SETBP1: variants seen among roughly 807,000 people sequenced by gnomAD.
SETBP1 encodes the protein SET-binding protein.
SETBP1 carries 9 observed loss-of-function variants against 101.0 expected under a neutral mutation model. The ratio of observed to expected loss-of-function variants is 0.09; its 90% confidence interval spans 0.05 to 0.16. The LOEUF is 0.16. Ranked by LOEUF, SETBP1 falls within the 10% of genes least tolerant of loss-of-function variation. The probability of loss-of-function intolerance (pLI) is 1.00; values close to 1 mark genes in which losing one functional copy is unlikely to be tolerated. For synonymous variants in SETBP1, 818 were observed against 788.5 expected (o/e 1.04, Z -0.63); for missense variants, 1,858 against 2,033.8 (o/e 0.91, Z 1.66).
At chr18:44,793,826 A>C (rs62090585) in intron 2 of SETBP1, among the ~76,000 whole-genome samples, 10,630 of 152,280 alleles carry the variant, frequency 0.07, 427 homozygotes, top group East Asian at 0.14. Flanking sequence ...GATTCATGGC[A>C]TGTCATTCCA....
At chr18:45,034,658 AG>A (rs2073359805) in intron 4 of SETBP1, among the ~76,000 whole-genome samples, 2 of 152,124 alleles carry the variant, frequency 1.3e-5, no homozygotes, top group Non-Finnish European at 2.9e-5. Flanking sequence ...GGATCCACAA[AG>A]TTATTAGCAT....
chr18:44,886,779 T>TTAC (rs1253288085), intron 3 of SETBP1, among the ~76,000 whole-genome samples: 4 of 148,618 alleles, frequency 2.7e-5, no homozygotes, highest in Non-Finnish European at 6.0e-5. Flanking sequence ...ATTATTATTA[T>TTAC]TATTATTATT....
intron 4 of SETBP1, among the ~76,000 whole-genome samples, chr18:44,957,525 C>A (rs1268012994): frequency 6.6e-6 from 1 of 152,132 alleles, no homozygotes; most frequent in Non-Finnish European, 1.5e-5. Context: ...TCTGAGAGCA[C>A]ATTTCAGATA....
At chr18:44,826,792 G>A (rs2072249287) in intron 2 of SETBP1, among the ~76,000 whole-genome samples, 1 of 152,152 alleles carries the variant, frequency 6.6e-6, no homozygotes, top group South Asian at 2.1e-4. Flanking sequence ...ACCAAGGAAT[G>A]ATTCCAACCC....
intron 2 of SETBP1, among the ~76,000 whole-genome samples, chr18:44,761,177 A>C (rs1350204355): frequency 6.6e-6 from 1 of 152,222 alleles, no homozygotes; most frequent in African/African-American, 2.4e-5. Context: ...TCTAGGGTAT[A>C]ATGTGGGTTT....
chr18:44,784,390 C>T (rs2071196037), intron 2 of SETBP1, among the ~76,000 whole-genome samples: 1 of 152,156 alleles, frequency 6.6e-6, no homozygotes, highest in African/African-American at 2.4e-5. Context: ...TGGCCCAGTG[C>T]CTCCCCAAGG....
chr18:45,022,451 C>T (rs1254291838), intron 4 of SETBP1, among the ~76,000 whole-genome samples: 2 of 152,194 alleles, frequency 1.3e-5, no homozygotes, highest in African/African-American at 2.4e-5. Context: ...TGACGTCCTT[C>T]CTCCCCAACA....
intron 5 of SETBP1, among the ~76,000 whole-genome samples, chr18:45,056,767 T>G (rs565241328): frequency 6.6e-6 from 1 of 152,160 alleles, no homozygotes; most frequent in African/African-American, 2.4e-5. Context: ...CTCACACACA[T>G]AAACATGCTC....
At chr18:44,999,380 A>G (rs1362594461) in intron 4 of SETBP1, among the ~76,000 whole-genome samples, 2 of 152,192 alleles carry the variant, frequency 1.3e-5, no homozygotes, top group African/African-American at 4.8e-5. Context: ...TGACCCTTTG[A>G]AAGTAGAAAA....
rs184708614 is a variant in SETBP1, at chr18:45,026,010, G to T, written c.4001-12475G>T. Among the ~76,000 whole-genome samples, 7 of 152,288 alleles carry T rather than the reference G, an allele frequency of 4.6e-5. No homozygotes were observed. The East Asian group carries it at 1.4e-3, about 29-fold the overall frequency. ...AAGCAGTAATCAAAATGCAAATAAGGTGACCCAGTTAGCATTGAGATCTGT... is the reference window on the plus strand; with the variant it reads ...AAGCAGTAATCAAAATGCAAATAAGTTGACCCAGTTAGCATTGAGATCTGT... On this transcript the variant is annotated intron_variant, in intron 4 of 5. Transcript: ENST00000649279.
chr18:45,043,728 C>A (rs189913715), intron 5 of SETBP1, among the ~76,000 whole-genome samples: 1 of 152,174 alleles, frequency 6.6e-6, no homozygotes. Flanking sequence ...TTGTTATTAG[C>A]CCAGCCATCA....
intron 4 of SETBP1, among the ~76,000 whole-genome samples, chr18:45,031,677 G>A (rs1370077486): frequency 6.6e-6 from 1 of 152,202 alleles, no homozygotes; most frequent in African/African-American, 2.4e-5. Flanking sequence ...ACATTTGTAA[G>A]TACCTAGTAT....
chr18:44,855,821 G>C (rs1599229334), intron 2 of SETBP1, among the ~76,000 whole-genome samples: 1 of 152,304 alleles, frequency 6.6e-6, no homozygotes, highest in East Asian at 1.9e-4. Flanking sequence ...TTATAAGCTA[G>C]ATGATGAGTG....
At chr18:44,981,969 CATATACA>C (rs1247199459) in intron 4 of SETBP1, among the ~76,000 whole-genome samples, 3 of 152,140 alleles carry the variant, frequency 2.0e-5, no homozygotes, top group Non-Finnish European at 4.4e-5. Context: ...TCAAAAGTGC[CATATACA>C]TTGGAAATGT....
chr18:45,044,813 A>G (rs938949488), intron 5 of SETBP1, among the ~76,000 whole-genome samples: 2 of 152,240 alleles, frequency 1.3e-5, no homozygotes, highest in Admixed American at 1.3e-4. Flanking sequence ...AGCCAGCCCA[A>G]AGGAGAATTA....
intron 4 of SETBP1, among the ~76,000 whole-genome samples, chr18:44,971,147 T>C (rs926891566): frequency 5.9e-5 from 9 of 152,248 alleles, no homozygotes; most frequent in African/African-American, 2.2e-4. Context: ...GTCCTTGTGA[T>C]AGTTTGCTCA....
rs531460916 is a variant in SETBP1 at position 44,743,475 on chromosome 18, C to G, written c.486+41643C>G. Among the ~76,000 whole-genome samples the G allele has an allele frequency of 7.5e-4, 114 of 152,270 alleles. 1 individual carries two copies. Among genetic ancestry groups the G allele is most frequent in the East Asian group, 2.7e-3 (14 of 5,178 alleles). ...TGAATTTCAAAGGTACAGCACCCCC[C>G]CAACCCCCAACCTACAACAGACCTC... On this transcript the variant is annotated intron_variant, in intron 2 of 5. Coordinates refer to ENST00000649279, the MANE Select transcript of SETBP1 (RefSeq NM_015559.3).
At chr18:44,966,403 C>A (rs1306660773) in intron 4 of SETBP1, among the ~76,000 whole-genome samples, 1 of 152,194 alleles carries the variant, frequency 6.6e-6, no homozygotes, top group South Asian at 2.1e-4. Context: ...ATCTGGCTTG[C>A]AAATCTCACC....
At chr18:44,746,092 T>C (rs2070239501) in intron 2 of SETBP1, among the ~76,000 whole-genome samples, 1 of 152,108 alleles carries the variant, frequency 6.6e-6, no homozygotes, top group Non-Finnish European at 1.5e-5. Flanking sequence ...AAGGTGTCTA[T>C]GTTGTCAGTC....
Sources: allele counts gnomAD v4.1 joint callset (sites outside exome capture counted in the v4.1 genomes callset), GRCh38; gene constraint gnomAD v4.1.1; transcripts MANE v1.5; gene names NCBI Gene and HGNC (gene_info 2026-07-23, HGNC 2026-07-21).